Variants in IQCM observed in about 807,000 individuals in gnomAD.
The protein encoded by IQCM is IQ motif containing M.
Under a neutral mutation model 57.6 loss-of-function variants are expected in IQCM, and 45 were observed. That is an observed-to-expected ratio of 0.78 (90% CI 0.62 to 1.00). IQCM has a LOEUF of 1.00. Ranked by LOEUF, IQCM falls within the 50% of genes least tolerant of loss-of-function variation. IQCM has a pLI of 0.00. For missense variants in IQCM, 468 were observed against 511.6 expected, an observed-to-expected ratio of 0.91 and a Z score of 0.82; for synonymous variants, 148 against 158.9, an observed-to-expected ratio of 0.93 and a Z score of 0.51.
rs1579464586 is a variant in IQCM, at chr4:149,553,247, AT to A, written c.988del (p.Met330CysfsTer5). ...HGPDMKAVINMYGRLIHRVRY... is the reference protein window; with the variant it reads ...HGPDMKAVINXYGRLIHRVRY... ...AACACGGTGGATTAGTCTGCCATAC[AT>A]GTTAATAACTGCTTTCATATCTGGT... On this transcript the variant is annotated frameshift_variant, in exon 11 of 14. Coordinates refer to ENST00000636793, the MANE Select transcript of IQCM (RefSeq NM_001363507.2). LOFTEE classifies it high-confidence loss of function. 8.1e-7 allele frequency: 1 copy of A among 1,231,922 alleles called. No individual in the cohort carries two copies. The highest frequency in any genetic ancestry group is 3.2e-5 in the East Asian group (1 of 31,676). 76.3% of individuals were successfully genotyped at this position (1,231,922 alleles called of 1,614,324 possible). A position where few individuals can be genotyped will look rare whatever the true frequency, so the allele number is the denominator to read the frequency against.
At chr4:149,410,336 T>A (rs549658399) in intron 13 of IQCM, among the ~76,000 whole-genome samples, 36 of 152,166 alleles carry the variant, frequency 2.4e-4, no homozygotes, top group African/African-American at 7.9e-4. Context: ...CATATTTATA[T>A]AGCAAACAAG....
chr4:149,495,895 C>T (rs1742605161), intron 12 of IQCM, among the ~76,000 whole-genome samples: 1 of 152,066 alleles, frequency 6.6e-6, no homozygotes, highest in Admixed American at 6.6e-5. Context: ...GAGTGTTTTG[C>T]CTAATTTATT....
At chr4:149,572,162 A>T (rs1751219817) in intron 9 of IQCM, among the ~76,000 whole-genome samples, 1 of 152,116 alleles carries the variant, frequency 6.6e-6, no homozygotes, top group Non-Finnish European at 1.5e-5. Flanking sequence ...TTCCAAGAAT[A>T]GTAATAATGT....
At chr4:149,697,644 C>G (rs533966233) in intron 5 of IQCM, among the ~76,000 whole-genome samples, 2 of 152,202 alleles carry the variant, frequency 1.3e-5, no homozygotes, top group Non-Finnish European at 2.9e-5. Flanking sequence ...GACAGGCATT[C>G]ATGGCATTTG....
chr4:149,617,953 T>C (rs1401002813), intron 8 of IQCM, among the ~76,000 whole-genome samples: 5 of 152,202 alleles, frequency 3.3e-5, no homozygotes, highest in Admixed American at 6.5e-5. Context: ...CTAGATTTAA[T>C]ACAATTCCTA....
chr4:149,540,157 T>A (rs1747706228), intron 12 of IQCM, among the ~76,000 whole-genome samples: 2 of 142,848 alleles, frequency 1.4e-5, no homozygotes, highest in East Asian at 4.2e-4. Context: ...AGAAAGGCCA[T>A]GTGAGGACAC....
At chr4:149,526,939 T>A (rs976692478) in intron 12 of IQCM, among the ~76,000 whole-genome samples, 3 of 152,152 alleles carry the variant, frequency 2.0e-5, no homozygotes, top group African/African-American at 7.2e-5. Flanking sequence ...CCATTATTTA[T>A]TTTTATAGCC....
chr4:149,750,677 A>T (rs1202074810), intron 2 of IQCM, among the ~76,000 whole-genome samples: 1 of 152,236 alleles, frequency 6.6e-6, no homozygotes, highest in Non-Finnish European at 1.5e-5. Context: ...TCTCCCAGTT[A>T]TTAATCTCAC....
intron 13 of IQCM, among the ~76,000 whole-genome samples, chr4:149,377,533 T>C (rs2111013736): frequency 6.6e-6 from 1 of 152,308 alleles, no homozygotes; most frequent in African/African-American, 2.4e-5. Context: ...TCTTCTTTTT[T>C]CACTCTCTTG....
At chr4:149,726,049 CCCAA>C (rs1043333816) in intron 5 of IQCM, among the ~76,000 whole-genome samples, 8 of 134,694 alleles carry the variant, frequency 5.9e-5, no homozygotes, top group African/African-American at 2.0e-4. Flanking sequence ...AGTGACACTT[CCCAA>C]CCATTTCTCT....
chr4:149,595,892 T>C (rs1052060102), intron 8 of IQCM, among the ~76,000 whole-genome samples: 43 of 152,172 alleles, frequency 2.8e-4, no homozygotes, highest in African/African-American at 8.9e-4. Flanking sequence ...TTATTTACAT[T>C]TCTTTACAGA....
At chr4:149,679,945 TGGACCA>T (rs1762059170) in intron 7 of IQCM, among the ~76,000 whole-genome samples, 3 of 151,434 alleles carry the variant, frequency 2.0e-5, no homozygotes, top group African/African-American at 7.3e-5. Flanking sequence ...ACACAAAGTG[TGGACCA>T]CTCTTAAATT....
chr4:149,378,216 T>A (rs946444243), intron 13 of IQCM, among the ~76,000 whole-genome samples: 1 of 152,018 alleles, frequency 6.6e-6, no homozygotes, highest in South Asian at 2.1e-4. Context: ...AGCGTGAAAA[T>A]GGACTAACAC....
intron 12 of IQCM, among the ~76,000 whole-genome samples, chr4:149,472,065 C>G (rs554627532): frequency 2.6e-5 from 4 of 152,254 alleles, no homozygotes; most frequent in Non-Finnish European, 4.4e-5. Flanking sequence ...TAGCACAAGA[C>G]AGGGATGCCC....
intron 12 of IQCM, among the ~76,000 whole-genome samples, chr4:149,538,676 T>C (rs1481557415): frequency 1.3e-5 from 2 of 151,800 alleles, no homozygotes; most frequent in African/African-American, 2.4e-5. Flanking sequence ...AAATAAACTA[T>C]AGACCAAAAA....
At chr4:149,455,094 T>C (rs1737548503) in intron 12 of IQCM, among the ~76,000 whole-genome samples, 1 of 152,064 alleles carries the variant, frequency 6.6e-6, no homozygotes, top group Admixed American at 6.6e-5. Context: ...TCTCAACTTA[T>C]GGTGGGGTTA....
At chr4:149,619,563 T>C (rs1756133377) in intron 8 of IQCM, among the ~76,000 whole-genome samples, 1 of 152,204 alleles carries the variant, frequency 6.6e-6, no homozygotes, top group Non-Finnish European at 1.5e-5. Flanking sequence ...CTAAATATGA[T>C]ATATTAATAA....
intron 8 of IQCM, among the ~76,000 whole-genome samples, chr4:149,594,706 A>T (rs1017123675): frequency 6.6e-6 from 1 of 152,052 alleles, no homozygotes; most frequent in East Asian, 1.9e-4. Flanking sequence ...CCTTCATTTC[A>T]TTATGTACCC....
At chr4:149,753,043 A>G (rs1561234753) in intron 2 of IQCM, among the ~76,000 whole-genome samples, 1 of 152,224 alleles carries the variant, frequency 6.6e-6, no homozygotes, top group African/African-American at 2.4e-5. Context: ...GGGCAACTAC[A>G]AAACTGTGAA....
Sources: gnomAD v4.1 joint callset for allele counts (sites outside exome capture counted in the v4.1 genomes callset) on GRCh38, gnomAD v4.1.1 for gene constraint, MANE v1.5 for transcripts, NCBI Gene and HGNC (gene_info 2026-07-23, HGNC 2026-07-21) for gene names.